EPB41L4A: variants seen among roughly 807,000 people sequenced by gnomAD.
The protein encoded by EPB41L4A is band 4.1-like protein 4A.
EPB41L4A carries 100 observed loss-of-function variants against 108.6 expected under a neutral mutation model. The observed-to-expected ratio is 0.92, with a 90% CI of 0.78 to 1.09. EPB41L4A has a LOEUF of 1.09. Among genes scored for constraint, EPB41L4A ranks in the 50% least tolerant of loss-of-function variants. The pLI is 0.00. For synonymous variants in EPB41L4A, 319 were observed against 289.0 expected (o/e 1.10, Z -1.05); for missense variants, 1,030 against 842.7 (o/e 1.22, Z -2.75).
In EPB41L4A at chr5:112,205,497, T is replaced by C. The variant is rs200595173; in HGVS notation, c.1186A>G (p.Lys396Glu). The C allele has an allele frequency of 6.2e-6, 10 of 1,603,250 alleles. No homozygotes were observed. Among genetic ancestry groups the C allele is most frequent in the South Asian group, 3.4e-5 (3 of 88,288 alleles). The change falls in exon 14 of 23, where the codon AAA becomes GAA. Residue 396 changes from lysine (K) to glutamate (E), a missense_variant. Transcript: ENST00000261486. ...IAPSPVKSFK[K>E]AKNENSPDTQ... ...TCAGGGCTATTTTCATTCTTTGCTT[T>C]CTTAAAGCTTTAATTTTAAAAAAAA...
At position 112,339,540 on chromosome 5, in the gene EPB41L4A, A is replaced by T. The variant is rs866482685; in HGVS notation, c.100-32050T>A. Among the ~76,000 whole-genome samples, 385 of 101,032 alleles carry T rather than the reference A, an allele frequency of 3.8e-3. 7 individuals carry two copies. The highest frequency in any genetic ancestry group is 0.017 in the African/African-American group (368 of 21,052). The allele number at this position is 101,032 out of a possible 152,430, so 66.3% of individuals were successfully genotyped here. A position where few individuals can be genotyped will look rare whatever the true frequency, so the allele number is the denominator to read the frequency against. ...TATAGATATATATCTATATATATATATATTTTTTTTTTAGACAGAGTCTCA... is the reference window on the plus strand; with the variant it reads ...TATAGATATATATCTATATATATATTTATTTTTTTTTTAGACAGAGTCTCA... On this transcript the variant is annotated intron_variant, in intron 1 of 22. Coordinates refer to ENST00000261486, the MANE Select transcript of EPB41L4A (RefSeq NM_022140.5).
intron 12 of EPB41L4A, among the ~76,000 whole-genome samples, chr5:112,213,719 A>C (rs1747414036): frequency 6.6e-6 from 1 of 152,206 alleles, no homozygotes; most frequent in Non-Finnish European, 1.5e-5. Flanking sequence ...TCTATAACAA[A>C]TGTGAACTAG....
At chr5:112,258,174 T>C (rs1339273404) in intron 9 of EPB41L4A, among the ~76,000 whole-genome samples, 1 of 152,222 alleles carries the variant, frequency 6.6e-6, no homozygotes, top group Non-Finnish European at 1.5e-5. Context: ...TTTTTTCCTA[T>C]TAGGAGAACA....
chr5:112,370,769 G>C (rs1393602816), intron 1 of EPB41L4A, among the ~76,000 whole-genome samples: 1 of 152,088 alleles, frequency 6.6e-6, no homozygotes, highest in African/African-American at 2.4e-5. Flanking sequence ...ACAAAAATTA[G>C]CCAGGCATGG....
At chr5:112,297,036 C>T (rs1247893952) in intron 2 of EPB41L4A, among the ~76,000 whole-genome samples, 1 of 151,850 alleles carries the variant, frequency 6.6e-6, no homozygotes, top group East Asian at 1.9e-4. Context: ...TTTATCCACT[C>T]GTTGACTGAT....
intron 1 of EPB41L4A, among the ~76,000 whole-genome samples, chr5:112,344,750 T>C (rs1182853135): frequency 6.6e-6 from 1 of 152,184 alleles, no homozygotes; most frequent in Non-Finnish European, 1.5e-5. Flanking sequence ...TGCTGCCCTA[T>C]GGAAGTCAGA....
downstream of EPB41L4A, among the ~76,000 whole-genome samples, chr5:112,159,998 CGCCCGGGTTCAAGCCATTTCTCCT>C (rs1265044521): frequency 6.6e-6 from 1 of 150,992 alleles, no homozygotes; most frequent in Non-Finnish European, 1.5e-5. Flanking sequence ...ACCCCCACCC[CGCCCGGGTTCAAGCCATTTCTCCT>C]GCCTCAGCCT....
At chr5:112,151,958 C>T (rs1004942824) in intron 12 of EPB41L4A, among the ~76,000 whole-genome samples, 2 of 152,132 alleles carry the variant, frequency 1.3e-5, no homozygotes, top group Non-Finnish European at 1.5e-5. Flanking sequence ...TCTTGAATTC[C>T]TGACCTCAAG....
At chr5:112,179,298 A>AT (rs1308842485) in intron 18 of EPB41L4A, among the ~76,000 whole-genome samples, 1 of 152,140 alleles carries the variant, frequency 6.6e-6, no homozygotes, top group Non-Finnish European at 1.5e-5. Flanking sequence ...ATATTAACTC[A>AT]TTCAGAAAAC....
At chr5:112,243,233 A>C (rs191291482) in intron 9 of EPB41L4A, among the ~76,000 whole-genome samples, 13 of 150,092 alleles carry the variant, frequency 8.7e-5, no homozygotes, top group Non-Finnish European at 1.5e-4. Flanking sequence ...ATATATATAT[A>C]TCTATGTATA....
At chr5:112,152,816 G>T (rs981271725) in intron 12 of EPB41L4A, among the ~76,000 whole-genome samples, 1 of 151,718 alleles carries the variant, frequency 6.6e-6, no homozygotes, top group Non-Finnish European at 1.5e-5. Flanking sequence ...AAAAATTCTC[G>T]AAGCAAAAAA....
rs965762656 is a variant in EPB41L4A, at chr5:112,164,031, A to T, written c.*959T>A. 4 of 152,246 alleles carry T rather than the reference A, an allele frequency of 2.6e-5. No homozygotes were observed. The highest frequency in any genetic ancestry group is 4.4e-5 in the Non-Finnish European group (3 of 68,084). 9.4% of individuals were successfully genotyped at this position (152,246 alleles called of 1,614,324 possible). A position where few individuals can be genotyped will look rare whatever the true frequency, so the allele number is the denominator to read the frequency against. ...TTGCAAAGTCATCTATGGAGAGGAA[A>T]GGTACAAAATAGTCACTGGGGAGAG... On this transcript the variant is annotated 3_prime_UTR_variant, in exon 23 of 23. Transcript: ENST00000261486.
intron 15 of EPB41L4A, among the ~76,000 whole-genome samples, chr5:112,196,510 T>A (rs1464480310): frequency 6.6e-6 from 1 of 152,230 alleles, no homozygotes; most frequent in African/African-American, 2.4e-5. Context: ...CCAATAAGAC[T>A]ATCTATTGAC....
intron 12 of EPB41L4A, among the ~76,000 whole-genome samples, chr5:112,213,053 T>C (rs1561480643): frequency 6.6e-6 from 1 of 152,214 alleles, no homozygotes; most frequent in Non-Finnish European, 1.5e-5. Flanking sequence ...TTTTTCACAA[T>C]GTCTGAATCA....
At chr5:112,144,242 T>C (rs1162473322) in intron 13 of EPB41L4A, among the ~76,000 whole-genome samples, 1 of 152,202 alleles carries the variant, frequency 6.6e-6, no homozygotes, top group Non-Finnish European at 1.5e-5. Flanking sequence ...ACAAATATTC[T>C]TATTGCACTC....
At chr5:112,354,595 TA>T in intron 1 of EPB41L4A, among the ~76,000 whole-genome samples, 1 of 152,328 alleles carries the variant, frequency 6.6e-6, no homozygotes, top group Non-Finnish European at 1.5e-5. Flanking sequence ...TTCCAAAATT[TA>T]ACATAAGTTA....
rs12517400 is a variant in EPB41L4A at position 112,163,344 on chromosome 5, C to T, written c.*1646G>A. 0.34 allele frequency: 51,648 copies of T among 152,026 alleles called. 10,285 individuals are homozygous for T. Among genetic ancestry groups the T allele is most frequent in the African/African-American group, 0.56 (23,089 of 41,430 alleles). The allele number at this position is 152,026 out of a possible 1,614,324, so 9.4% of individuals were successfully genotyped here. On this transcript the variant is annotated 3_prime_UTR_variant, in exon 23 of 23. Transcript: ENST00000261486. ...GAATTTTTAAATTACCTTTGAGAAA[C>T]CCAAATGGTCTTTTTGCAGTAGCAC...
At chr5:112,370,117 C>T (rs1169041278) in intron 1 of EPB41L4A, among the ~76,000 whole-genome samples, 2 of 152,074 alleles carry the variant, frequency 1.3e-5, no homozygotes, top group African/African-American at 2.4e-5. Context: ...CTCAGCCTCC[C>T]GGGCACAAGC....
chr5:112,333,197 G>C (rs1756675733), intron 1 of EPB41L4A, among the ~76,000 whole-genome samples: 1 of 152,274 alleles, frequency 6.6e-6, no homozygotes, highest in African/African-American at 2.4e-5. Context: ...GTCTCTGGCT[G>C]AGAAGCTGCA....
Sources: gnomAD v4.1 joint callset for allele counts (sites outside exome capture counted in the v4.1 genomes callset) on GRCh38, gnomAD v4.1.1 for gene constraint, MANE v1.5 for transcripts, NCBI Gene and HGNC (gene_info 2026-07-23, HGNC 2026-07-21) for gene names.